The following HSD17B12 variants were observed in gnomAD, a reference collection of about 807,000 sequenced individuals.
HSD17B12 encodes hydroxysteroid 17-beta dehydrogenase 12.
In HSD17B12, 32 loss-of-function variants were observed where a neutral mutation model predicts 39.3. The observed-to-expected ratio is 0.81, with a 90% confidence interval of 0.61 to 1.09. HSD17B12 has a LOEUF of 1.09. Among genes scored for constraint, HSD17B12 ranks in the 50% least tolerant of loss-of-function variants. The pLI is 0.00. For missense variants in HSD17B12, 342 were observed against 382.9 expected, an observed-to-expected ratio of 0.89 and a Z score of 0.89; for synonymous variants, 150 against 146.7, an observed-to-expected ratio of 1.02 and a Z score of -0.16.
At chr11:43,750,148 A>G (rs781465015) in intron 1 of HSD17B12, among the ~76,000 whole-genome samples, 13 of 151,784 alleles carry the variant, frequency 8.6e-5, no homozygotes, top group Admixed American at 1.3e-4. Context: ...CAGTGAATCT[A>G]CACACACACA....
chr11:43,678,140 T>C (rs1949707329), upstream of HSD17B12, among the ~76,000 whole-genome samples: 2 of 152,248 alleles, frequency 1.3e-5, no homozygotes, highest in Non-Finnish European at 2.9e-5. Flanking sequence ...TGGTATGAGA[T>C]GGTATCTCAT....
chr11:43,614,303 C>T, the HSD17B12 span, among the ~76,000 whole-genome samples: 5 of 152,104 alleles, frequency 3.3e-5, no homozygotes, highest in African/African-American at 9.7e-5. Flanking sequence ...TTTCTCTTTT[C>T]GTTTCAGCAC....
the HSD17B12 span, among the ~76,000 whole-genome samples, chr11:43,619,713 C>T: frequency 6.6e-6 from 1 of 151,948 alleles, no homozygotes; most frequent in Non-Finnish European, 1.5e-5. Flanking sequence ...TTCAAACCAA[C>T]AGAATAGCTG....
intron 4 of HSD17B12, among the ~76,000 whole-genome samples, chr11:43,813,136 T>C (rs558061265): frequency 6.6e-6 from 1 of 152,282 alleles, no homozygotes; most frequent in Admixed American, 6.5e-5. Flanking sequence ...CCACCACGCC[T>C]GGCAACTCTC....
intron 1 of HSD17B12, among the ~76,000 whole-genome samples, chr11:43,686,921 G>T (rs545972537): frequency 6.6e-6 from 1 of 152,170 alleles, no homozygotes; most frequent in Non-Finnish European, 1.5e-5. Flanking sequence ...GATTACCATT[G>T]CTACTTGCAA....
chr11:43,559,737 G>T, the HSD17B12 span: 429 of 156,072 alleles, frequency 2.7e-3, 1 homozygote, highest in Non-Finnish European at 4.5e-3. Flanking sequence ...ATTCAGGAGT[G>T]TCAGTTGCCC....
chr11:43,780,559 G>T (rs935433502), intron 3 of HSD17B12, among the ~76,000 whole-genome samples: 1 of 152,158 alleles, frequency 6.6e-6, no homozygotes, highest in African/African-American at 2.4e-5. Context: ...CAATTAGGCT[G>T]CTCAGGATAT....
At chr11:43,642,491 T>C in the HSD17B12 span, among the ~76,000 whole-genome samples, 109 of 151,918 alleles carry the variant, frequency 7.2e-4, no homozygotes, top group African/African-American at 2.3e-3. Flanking sequence ...TATAATCTTA[T>C]AGTACTGAGA....
chr11:43,559,454 TTGTCACA>T, the HSD17B12 span, among the ~76,000 whole-genome samples: 2 of 152,202 alleles, frequency 1.3e-5, no homozygotes, highest in African/African-American at 4.8e-5. Context: ...GCCCAAGCAC[TTGTCACA>T]TGCAGACATG....
At chr11:43,698,317 C>T (rs1282900334) in intron 1 of HSD17B12, among the ~76,000 whole-genome samples, 1 of 152,152 alleles carries the variant, frequency 6.6e-6, no homozygotes, top group Non-Finnish European at 1.5e-5. Context: ...ACTGTAGATT[C>T]GCACCAAGCT....
At chr11:43,567,619 G>A in the HSD17B12 span, among the ~76,000 whole-genome samples, 3 of 152,268 alleles carry the variant, frequency 2.0e-5, no homozygotes, top group South Asian at 4.1e-4. Flanking sequence ...CAGTTATTCC[G>A]CCCTGCCTTG....
At chr11:43,595,992 G>A in the HSD17B12 span, among the ~76,000 whole-genome samples, 1 of 152,284 alleles carries the variant, frequency 6.6e-6, no homozygotes, top group African/African-American at 2.4e-5. Context: ...TTAGGATTTT[G>A]ATAGCACTGA....
the HSD17B12 span, among the ~76,000 whole-genome samples, chr11:43,591,951 A>G: frequency 1.3e-5 from 2 of 152,108 alleles, no homozygotes; most frequent in Admixed American, 6.6e-5. Context: ...TTCTTCTGCT[A>G]TTCATAAATT....
At chr11:43,710,871 A>T (rs1262499405) in intron 1 of HSD17B12, among the ~76,000 whole-genome samples, 3 of 151,868 alleles carry the variant, frequency 2.0e-5, no homozygotes, top group African/African-American at 7.3e-5. Flanking sequence ...GCTCACTGCA[A>T]CCTCCACCTC....
the HSD17B12 span, chr11:43,559,806 A>ATGAAGTCCGACTT: frequency 6.4e-6 from 1 of 155,962 alleles, no homozygotes; most frequent in Non-Finnish European, 1.5e-5. Flanking sequence ...TATGGCAAGA[A>ATGAAGTCCGACTT]TGAAGTCCGA....
chr11:43,734,403 C>G (rs1400227497), intron 1 of HSD17B12: 1 of 793,078 alleles, frequency 1.3e-6, no homozygotes, highest in East Asian at 2.5e-5. Flanking sequence ...GAGGGTGACT[C>G]TAAGGCAGCC....
intron 1 of HSD17B12, among the ~76,000 whole-genome samples, chr11:43,741,024 A>G (rs1950359297): frequency 6.6e-6 from 1 of 152,150 alleles, no homozygotes; most frequent in Admixed American, 6.5e-5. Flanking sequence ...ATTTTAAGAA[A>G]CCACAAAAAA....
chr11:43,632,802 C>A, the HSD17B12 span, among the ~76,000 whole-genome samples: 1 of 152,064 alleles, frequency 6.6e-6, no homozygotes, highest in Admixed American at 6.5e-5. Flanking sequence ...GACATTTGGG[C>A]ATGTTGGCAT....
the HSD17B12 span, among the ~76,000 whole-genome samples, chr11:43,615,859 A>C: frequency 2.0e-5 from 3 of 152,220 alleles, no homozygotes; most frequent in Non-Finnish European, 4.4e-5. Context: ...GAAATGAGAA[A>C]TTTCTGAAAA....
Sources: gnomAD v4.1 joint callset for allele counts (sites outside exome capture counted in the v4.1 genomes callset) on GRCh38, gnomAD v4.1.1 for gene constraint, MANE v1.5 for transcripts, NCBI Gene and HGNC (gene_info 2026-07-23, HGNC 2026-07-21) for gene names.